Variants in PPFIBP1 observed in about 807,000 individuals in gnomAD.
PPFIBP1 encodes the protein PPFIB scaffold protein 1.
Under a neutral mutation model 137.8 loss-of-function variants are expected in PPFIBP1, and 112 were observed. The observed-to-expected ratio is 0.81, with a 90% CI of 0.70 to 0.95. PPFIBP1 has a LOEUF of 0.95. Among genes scored for constraint, PPFIBP1 ranks in the 40% least tolerant of loss-of-function variants. The probability of loss-of-function intolerance (pLI) is 0.00; values close to 1 mark genes in which losing one functional copy is unlikely to be tolerated. For synonymous variants in PPFIBP1, 378 were observed against 417.3 expected (o/e 0.91, Z 1.15); for missense variants, 1,083 against 1,196.6 (o/e 0.91, Z 1.40).
chr12:27,690,633 G>A (rs1403980777), intron 27 of PPFIBP1, among the ~76,000 whole-genome samples: 2 of 152,160 alleles, frequency 1.3e-5, no homozygotes, highest in South Asian at 2.1e-4. Context: ...ATAATGAACA[G>A]CATAATATTG....
intron 5 of PPFIBP1, among the ~76,000 whole-genome samples, chr12:27,647,308 C>T (rs889239684): frequency 2.0e-5 from 3 of 152,108 alleles, no homozygotes; most frequent in Non-Finnish European, 4.4e-5. Context: ...CTACCTCTCC[C>T]CCCTACCCCT....
intron 2 of PPFIBP1, among the ~76,000 whole-genome samples, chr12:27,590,428 G>C (rs1169614429): frequency 2.0e-5 from 3 of 152,066 alleles, no homozygotes; most frequent in Non-Finnish European, 4.4e-5. Flanking sequence ...TACCCACCTC[G>C]GCCTCCCAAA....
At chr12:27,532,560 G>T (rs919759267) in intron 1 of PPFIBP1, among the ~76,000 whole-genome samples, 10 of 151,924 alleles carry the variant, frequency 6.6e-5, no homozygotes, top group Middle Eastern at 3.2e-3. Flanking sequence ...CCTTTTGGAG[G>T]TTGGTTGGGG....
intron 5 of PPFIBP1, among the ~76,000 whole-genome samples, chr12:27,647,279 GC>G (rs1420080568): frequency 7.9e-5 from 12 of 152,264 alleles, no homozygotes; most frequent in Non-Finnish European, 1.0e-4. Flanking sequence ...GGGATTACAG[GC>G]GTGAGCCACC....
At chr12:27,650,999 AAGGAGAG>A (rs2058842761) in intron 7 of PPFIBP1, among the ~76,000 whole-genome samples, 1 of 152,194 alleles carries the variant, frequency 6.6e-6, no homozygotes, top group Admixed American at 6.5e-5. Flanking sequence ...AATGGGTACC[AAGGAGAG>A]AGGAGAGAAA....
Position 27,646,066 on chromosome 12 carries a change from A to G in PPFIBP1, c.275A>G (p.Asn92Ser). 6.2e-7 allele frequency: 1 copy of G among 1,603,456 alleles called. No individual in the cohort carries two copies. The change falls in exon 5 of 30, where the codon AAT becomes AGT. Residue 92 changes from asparagine (N) to serine (S), a missense_variant. By Grantham distance (46) the Asn-to-Ser change is conservative. Coordinates refer to ENST00000228425, the MANE Select transcript of PPFIBP1 (RefSeq NM_003622.4). ...LVEWLQSQMT[N>S]GHLPGNGDVY... Reference sequence around the variant, plus strand: ...CCATATTACTTCCTTTTTCAGACAAATGGACACCTACCAGGGAACGGAGAT... The same window carrying G: ...CCATATTACTTCCTTTTTCAGACAAGTGGACACCTACCAGGGAACGGAGAT...
At chr12:27,670,932 G>A (rs559976582) in intron 13 of PPFIBP1, among the ~76,000 whole-genome samples, 1 of 151,970 alleles carries the variant, frequency 6.6e-6, no homozygotes, top group Non-Finnish European at 1.5e-5. Context: ...GCCTAGCGAA[G>A]TTATTTGCTA....
rs2061682872 is a variant in PPFIBP1, at chr12:27,694,237, C to T, written c.*1355C>T. The T allele has an allele frequency of 6.9e-6, 1 of 145,552 alleles. No homozygotes were observed. The highest frequency in any genetic ancestry group is 2.4e-4 in the South Asian group (1 of 4,210). The allele number at this position is 145,552 out of a possible 1,614,324, so 9.0% of individuals were successfully genotyped here. A position where few individuals can be genotyped will look rare whatever the true frequency, so the allele number is the denominator to read the frequency against. On this transcript the variant is annotated 3_prime_UTR_variant, in exon 30 of 30. Coordinates refer to ENST00000228425, the MANE Select transcript of PPFIBP1 (RefSeq NM_003622.4). ...CCATGTTGTCCAGCCTGGTCTCAAA[C>T]TCCTGTCCTCAAGTGATCCTCCCAC...
chr12:27,534,476 T>C (rs1944765827), intron 1 of PPFIBP1, among the ~76,000 whole-genome samples: 1 of 152,110 alleles, frequency 6.6e-6, no homozygotes, highest in South Asian at 2.1e-4. Context: ...CAGAAGTCTC[T>C]CATCTGAACA....
intron 2 of PPFIBP1, among the ~76,000 whole-genome samples, chr12:27,601,873 C>G (rs1263410203): frequency 6.6e-6 from 1 of 152,224 alleles, no homozygotes; most frequent in African/African-American, 2.4e-5. Context: ...TGTAAGCTCC[C>G]AAACTGCTGT....
In PPFIBP1 at chr12:27,565,724, C is replaced by T. The variant is rs76614269; in HGVS notation, c.-123-12428C>T. Reference sequence around the variant, plus strand: ...AGTGAAGGGGTCTACGTTCATTGCTCTTACTTCTTCACTCCTTTTAACACC... The same window carrying T: ...AGTGAAGGGGTCTACGTTCATTGCTTTTACTTCTTCACTCCTTTTAACACC... On this transcript the variant is annotated intron_variant, in intron 1 of 29. Coordinates refer to ENST00000228425, the MANE Select transcript of PPFIBP1 (RefSeq NM_003622.4). Among the ~76,000 whole-genome samples the T allele has an allele frequency of 7.3e-3, 1,115 of 152,286 alleles. 50 individuals are homozygous for T. The highest frequency in any genetic ancestry group is 0.062 in the Admixed American group (947 of 15,302).
rs1257429755 is a variant in PPFIBP1 at position 27,593,243 on chromosome 12, C to G, written c.-36+15004C>G. 2.0e-5 allele frequency among the ~76,000 whole-genome samples: 3 copies of G among 151,240 alleles called. No homozygotes were observed. The East Asian group carries it at 5.8e-4, about 29-fold the overall frequency. On this transcript the variant is annotated intron_variant, in intron 2 of 29. Coordinates refer to ENST00000228425, the MANE Select transcript of PPFIBP1 (RefSeq NM_003622.4). ...CTTGTTTACCTCAGCATTCCTCAGT[C>G]TTTTCCCTAAAACTCCACCCTGACT...
chr12:27,637,427 C>T (rs1338569950), intron 4 of PPFIBP1: 1 of 152,136 alleles, frequency 6.6e-6, no homozygotes, highest in Non-Finnish European at 1.5e-5. Flanking sequence ...TGAGAATCCA[C>T]AAAATGACAA....
chr12:27,643,573 C>T (rs1361257078), intron 4 of PPFIBP1, among the ~76,000 whole-genome samples: 1 of 119,954 alleles, frequency 8.3e-6, no homozygotes, highest in Non-Finnish European at 1.7e-5. Flanking sequence ...AAAGACGGTC[C>T]GTGCAGAAGG....
chr12:27,662,370 T>C (rs1255970557), intron 11 of PPFIBP1, among the ~76,000 whole-genome samples: 5 of 152,192 alleles, frequency 3.3e-5, no homozygotes, highest in Admixed American at 1.3e-4. Context: ...ATTTAGGGTC[T>C]TAGCTTGTAA....
At chr12:27,637,812 T>C (rs2057792381) in intron 4 of PPFIBP1, among the ~76,000 whole-genome samples, 1 of 152,210 alleles carries the variant, frequency 6.6e-6, no homozygotes, top group Non-Finnish European at 1.5e-5. Flanking sequence ...GCATTGGGAA[T>C]CCAACAAGTA....
chr12:27,617,488 A>G (rs1368959506), intron 2 of PPFIBP1, among the ~76,000 whole-genome samples: 1 of 152,226 alleles, frequency 6.6e-6, no homozygotes, highest in Non-Finnish European at 1.5e-5. Context: ...TGAATAAAGT[A>G]CAATTGTCCC....
intron 4 of PPFIBP1, chr12:27,635,988 G>C (rs1185531394): frequency 6.6e-6 from 1 of 152,204 alleles, no homozygotes; most frequent in Non-Finnish European, 1.5e-5. Context: ...ATATGCTTAT[G>C]AGTTAACTGT....
chr12:27,645,458 G>A (rs531583161), intron 4 of PPFIBP1, among the ~76,000 whole-genome samples: 1 of 152,060 alleles, frequency 6.6e-6, no homozygotes, highest in African/African-American at 2.4e-5. Context: ...AAAAAAGTGT[G>A]GGGGGCAGGA....
Sources: allele counts gnomAD v4.1 joint callset (sites outside exome capture counted in the v4.1 genomes callset), GRCh38; gene constraint gnomAD v4.1.1; transcripts MANE v1.5; gene names NCBI Gene and HGNC (gene_info 2026-07-23, HGNC 2026-07-21).